Variants in CES5A observed in about 807,000 individuals in gnomAD.
CES5A encodes the protein carboxylesterase 5.
CES5A carries 67 observed loss-of-function variants against 62.9 expected under a neutral mutation model. The ratio of observed to expected loss-of-function variants is 1.07; its 90% CI spans 0.88 to 1.31. The LOEUF (loss-of-function observed/expected upper bound fraction) is 1.31, where lower values mean the gene tolerates loss of function less well. Ranked by LOEUF, CES5A falls within the 50% of genes most tolerant of loss-of-function variation. The pLI is 0.00. For synonymous variants in CES5A, 296 were observed against 280.8 expected, an observed-to-expected ratio of 1.05 and a Z score of -0.54; for missense variants, 748 against 708.5, an observed-to-expected ratio of 1.06 and a Z score of -0.63.
intron 1 of CES5A, among the ~76,000 whole-genome samples, chr16:55,887,549 T>A (rs1174099429): frequency 6.6e-6 from 1 of 152,104 alleles, no homozygotes; most frequent in Non-Finnish European, 1.5e-5. Flanking sequence ...TCTCACCAGG[T>A]AGACTTGGAC....
intron 2 of CES5A, among the ~76,000 whole-genome samples, chr16:55,939,230 A>G (rs2034421091): frequency 2.0e-5 from 3 of 152,314 alleles, no homozygotes; most frequent in South Asian, 4.1e-4. Flanking sequence ...TTTAAATCAC[A>G]TGCTCAGTCC....
chr16:55,869,817 C>A, intron 3 of CES5A, 73 bp from the exon 4 acceptor site: 1 of 1,514,022 alleles, frequency 6.6e-7, no homozygotes, highest in Non-Finnish European at 8.9e-7. Flanking sequence ...TTGAGGCACA[C>A]GTTCTTAAGG....
chr16:55,904,366 G>A lies in CES5A; in HGVS notation c.-256+20957C>T, dbSNP rs922253845. Among the ~76,000 whole-genome samples, 3 of 152,326 alleles carry A rather than the reference G, an allele frequency of 2.0e-5. No individual in the cohort carries two copies. The East Asian group carries it at 5.8e-4, about 29-fold the overall frequency. On this transcript the variant is annotated intron_variant, in intron 1 of 12. Transcript: ENST00000518005. Reference sequence around the variant, plus strand: ...AGGAAGGAGTACCAGGATGGGGGCAGAACTGAACTTAAGTGTAGAAATAGC... The same window carrying A: ...AGGAAGGAGTACCAGGATGGGGGCAAAACTGAACTTAAGTGTAGAAATAGC...
chr16:55,952,435 A>ATTAG (rs2034567191), intron 1 of CES5A, among the ~76,000 whole-genome samples: 1 of 151,952 alleles, frequency 6.6e-6, no homozygotes, highest in Non-Finnish European at 1.5e-5. Flanking sequence ...GCAAAAATTA[A>ATTAG]CTAGAACACA....
chr16:55,943,942 ATCT>A, intron 2 of CES5A: 1 of 684,084 alleles, frequency 1.5e-6, no homozygotes, highest in African/African-American at 1.8e-5. Flanking sequence ...GGCAGTATTC[ATCT>A]TCTTCTGAAA....
In CES5A at chr16:55,934,853, G is replaced by A. The variant is rs1302919652; in HGVS notation, c.160+14932C>T. 2.6e-5 allele frequency among the ~76,000 whole-genome samples: 4 copies of A among 152,256 alleles called. 1 individual carries two copies. The highest frequency in any genetic ancestry group is 2.1e-4 in the South Asian group (1 of 4,832). ...AGTCTAAGCGCAGGGCCTGAGACGG[G>A]AGAGTTACTGGTGTAAGTTTTAGTT... On this transcript the variant is annotated intron_variant, in intron 2 of 13. Coordinates refer to the CES5A transcript ENST00000521992.
upstream of CES5A, among the ~76,000 whole-genome samples, chr16:55,878,838 A>AC (rs1360237486): frequency 1.5e-5 from 2 of 129,136 alleles, no homozygotes; most frequent in African/African-American, 6.1e-5. Flanking sequence ...CCATCACTGC[A>AC]CCCCCACCAC....
chr16:55,942,152 T>C (rs2034452290), intron 2 of CES5A, among the ~76,000 whole-genome samples: 1 of 152,328 alleles, frequency 6.6e-6, no homozygotes, highest in South Asian at 2.1e-4. Flanking sequence ...AGAATACTTT[T>C]GCATTCTTAG....
chr16:55,867,727 T>C (rs1341741050), intron 4 of CES5A, among the ~76,000 whole-genome samples: 2 of 152,354 alleles, frequency 1.3e-5, no homozygotes, highest in Middle Eastern at 3.4e-3. Flanking sequence ...TGGCCACTTA[T>C]TATCTGGGTG....
intron 1 of CES5A, among the ~76,000 whole-genome samples, chr16:55,897,137 C>T (rs991854729): frequency 1.3e-5 from 2 of 151,994 alleles, no homozygotes; most frequent in South Asian, 4.2e-4. Context: ...CAGCTTGTGT[C>T]TCCAGGGATG....
At chr16:55,849,800 C>A in intron 10 of CES5A, 27 bp from the exon 11 acceptor site, 4 of 1,611,050 alleles carry the variant, frequency 2.5e-6, no homozygotes, top group Non-Finnish European at 2.5e-6. Flanking sequence ...GAAGGTCAGG[C>A]ATGCATGCAG....
intron 2 of CES5A, among the ~76,000 whole-genome samples, chr16:55,933,708 T>A (rs2034337429): frequency 6.6e-6 from 1 of 152,150 alleles, no homozygotes; most frequent in Admixed American, 6.5e-5. Context: ...GTTCACTTAT[T>A]TTACCTCCAC....
intron 2 of CES5A, among the ~76,000 whole-genome samples, chr16:55,937,924 T>C (rs1427812954): frequency 6.6e-6 from 1 of 152,192 alleles, no homozygotes; most frequent in African/African-American, 2.4e-5. Flanking sequence ...AAAAATGTTA[T>C]CTACCCCCTA....
chr16:55,851,785 G>T (rs1196165372), intron 10 of CES5A, among the ~76,000 whole-genome samples: 1 of 152,098 alleles, frequency 6.6e-6, no homozygotes, highest in East Asian at 1.9e-4. Context: ...TGGAAACAAC[G>T]CAAATGTCCA....
intron 1 of CES5A, among the ~76,000 whole-genome samples, chr16:55,904,515 T>A (rs761691352): frequency 6.6e-6 from 1 of 152,236 alleles, no homozygotes; most frequent in Admixed American, 6.5e-5. Flanking sequence ...CCTCCACTCC[T>A]GGACCCCTCA....
chr16:55,852,107 A>T (rs2033144834), intron 10 of CES5A, among the ~76,000 whole-genome samples: 1 of 152,176 alleles, frequency 6.6e-6, no homozygotes, highest in Admixed American at 6.5e-5. Context: ...GATGATAAAA[A>T]CGTTCTGAAG....
chr16:55,945,818 C>T (rs1199976552), intron 2 of CES5A, among the ~76,000 whole-genome samples: 2 of 152,100 alleles, frequency 1.3e-5, no homozygotes, highest in Admixed American at 1.3e-4. Context: ...GGAAAGCATC[C>T]TAGGCCCAGA....
At chr16:55,917,157 C>T (rs2142455530) in intron 1 of CES5A, among the ~76,000 whole-genome samples, 2 of 152,308 alleles carry the variant, frequency 1.3e-5, no homozygotes, top group Middle Eastern at 6.8e-3. Context: ...TATCCAGTTC[C>T]ATGGTTTTAA....
At chr16:55,892,193 G>A (rs2033887492) in intron 1 of CES5A, among the ~76,000 whole-genome samples, 1 of 152,136 alleles carries the variant, frequency 6.6e-6, no homozygotes, top group African/African-American at 2.4e-5. Context: ...TCTTTAGACA[G>A]ACTCAACCAA....
Sources: gnomAD v4.1 joint callset for allele counts (sites outside exome capture counted in the v4.1 genomes callset) on GRCh38, gnomAD v4.1.1 for gene constraint, MANE v1.5 for transcripts, NCBI Gene and HGNC (gene_info 2026-07-23, HGNC 2026-07-21) for gene names.